PSMD1: variants seen among roughly 807,000 people sequenced by gnomAD.
The protein encoded by PSMD1 is proteasome 26S subunit, non-ATPase 1.
A neutral mutation model predicts 119.0 loss-of-function variants in PSMD1; 18 were observed. That is an observed-to-expected ratio of 0.15 (90% CI 0.10 to 0.22). The LOEUF (loss-of-function observed/expected upper bound fraction) is 0.22, where lower values mean the gene tolerates loss of function less well. Among genes scored for constraint, PSMD1 ranks in the 10% least tolerant of loss-of-function variants. The pLI, the probability that PSMD1 is intolerant of heterozygous loss-of-function variation, is 1.00. For missense variants in PSMD1, 702 were observed against 1,158.5 expected, an observed-to-expected ratio of 0.61 and a Z score of 5.72; for synonymous variants, 374 against 396.6, an observed-to-expected ratio of 0.94 and a Z score of 0.68.
chr2:231,123,212 CA>C (rs1318558687), intron 16 of PSMD1, among the ~76,000 whole-genome samples: 1 of 152,114 alleles, frequency 6.6e-6, no homozygotes, highest in East Asian at 1.9e-4. Context: ...AAATAGTTTA[CA>C]AAAAATATTT....
chr2:231,161,408 G>A lies in PSMD1; in HGVS notation c.2287G>A (p.Val763Ile), dbSNP rs981445313. ...GHTHMPSVVG[V>I]LVFTQFWFWF... The stretch of plus-strand genomic sequence containing the variant: ...TACTCATATGCCTTCTGTGGTTGGC[G>A]TCCTTGTATTTACCCAGTTTTGGTT... The change falls in exon 20 of 25, where the codon GTC (valine) becomes ATC (isoleucine). Residue 763 changes from valine to isoleucine, a missense_variant. By Grantham distance (29) the Val-to-Ile change is conservative (BLOSUM62 3). This residue lies in a region of PSMD1 where 152 missense variants were observed against 239.3 expected (regional missense o/e 0.64). Transcript: ENST00000308696. The A allele has an allele frequency of 1.1e-5, 18 of 1,613,590 alleles. No individual in the cohort carries two copies. The highest frequency in any genetic ancestry group is 1.6e-4 in the Middle Eastern group (1 of 6,084).
At chr2:231,150,071 C>T (rs1464756881) in intron 18 of PSMD1, among the ~76,000 whole-genome samples, 2 of 152,100 alleles carry the variant, frequency 1.3e-5, no homozygotes, top group Non-Finnish European at 2.9e-5. Flanking sequence ...ATAGGCCAGG[C>T]GCAGTGGCTC....
rs527764443 is a variant in PSMD1, at chr2:231,079,629, T to C, written c.1239+15T>C. The C allele has an allele frequency of 1.3e-6, 2 of 1,556,756 alleles. No homozygotes were observed. Among genetic ancestry groups the C allele is most frequent in the South Asian group, 1.2e-5 (1 of 86,188 alleles). ...TAATTCATAAGGTAATATATATTGG[T>C]CAGTGTATACAGGCATCAGAAAAGA... On this transcript the variant is annotated intron_variant, in intron 11 of 24. Transcript: ENST00000308696.
At chr2:231,087,961 T>C (rs113711916) in intron 16 of PSMD1, among the ~76,000 whole-genome samples, 3,285 of 149,732 alleles carry the variant, frequency 0.022, 130 homozygotes, top group African/African-American at 0.076. Flanking sequence ...AGACTCCCTC[T>C]CAAAAAAAAA....
At chr2:231,066,665 T>C (rs965921826) in intron 4 of PSMD1, among the ~76,000 whole-genome samples, 1 of 152,142 alleles carries the variant, frequency 6.6e-6, no homozygotes, top group African/African-American at 2.4e-5. Flanking sequence ...GGGTGAGCAC[T>C]ACCACACCTG....
intron 1 of PSMD1, among the ~76,000 whole-genome samples, chr2:231,060,915 A>G (rs1053824301): frequency 6.6e-6 from 1 of 152,206 alleles, no homozygotes; most frequent in Non-Finnish European, 1.5e-5. Flanking sequence ...CAAAAGAATC[A>G]CAGTACTGGG....
chr2:231,124,008 T>C, intron 16 of PSMD1: 1 of 478,952 alleles, frequency 2.1e-6, no homozygotes, highest in Non-Finnish European at 3.8e-6. Context: ...TTAGGAAAGC[T>C]CAGTGAAAGA....
intron 16 of PSMD1, among the ~76,000 whole-genome samples, chr2:231,114,544 A>G (rs17586405): frequency 0.035 from 5,357 of 152,288 alleles, 111 homozygotes; most frequent in East Asian, 0.11. Flanking sequence ...AGAAAAGTAG[A>G]TTGTTTCCCC....
intron 19 of PSMD1, among the ~76,000 whole-genome samples, chr2:231,154,383 G>A (rs915380890): frequency 1.3e-5 from 2 of 152,198 alleles, no homozygotes; most frequent in Non-Finnish European, 2.9e-5. Context: ...GCAGTGAACC[G>A]AGATTGCTCC....
intron 16 of PSMD1, chr2:231,109,486 T>C (rs1349401611): frequency 5.6e-6 from 7 of 1,248,740 alleles, no homozygotes; most frequent in Non-Finnish European, 8.2e-6. Flanking sequence ...TTGGATTGTA[T>C]CCTTATAACT....
At chr2:231,075,699 C>A in intron 8 of PSMD1, 128 bp downstream of exon 8, 1 of 746,466 alleles carries the variant, frequency 1.3e-6, no homozygotes, top group Non-Finnish European at 2.1e-6. Context: ...CCCACCTTAG[C>A]CTCCCAAGTA....
intron 5 of PSMD1, among the ~76,000 whole-genome samples, chr2:231,067,623 T>C (rs959856369): frequency 2.0e-5 from 3 of 152,166 alleles, no homozygotes; most frequent in African/African-American, 7.2e-5. Context: ...CCCTGCCTCG[T>C]TCCCCCTTCC....
intron 16 of PSMD1, among the ~76,000 whole-genome samples, chr2:231,096,059 C>T (rs1694715645): frequency 6.6e-6 from 1 of 152,200 alleles, no homozygotes; most frequent in African/African-American, 2.4e-5. Context: ...AAGAGGTCTG[C>T]AGAGTGACCT....
chr2:231,168,482 T>TA (rs1696839179), intron 23 of PSMD1, among the ~76,000 whole-genome samples: 1 of 152,372 alleles, frequency 6.6e-6, no homozygotes, highest in African/African-American at 2.4e-5. Context: ...AGGAAAGACT[T>TA]ACTGATATAT....
intron 16 of PSMD1, among the ~76,000 whole-genome samples, chr2:231,099,801 CTT>C (rs1286756391): frequency 5.3e-5 from 8 of 152,110 alleles, no homozygotes; most frequent in Non-Finnish European, 1.0e-4. Flanking sequence ...TGGCTCGCCT[CTT>C]TTTAACCTCT....
At chr2:231,104,328 G>A (rs936404836) in intron 16 of PSMD1, among the ~76,000 whole-genome samples, 6 of 151,974 alleles carry the variant, frequency 3.9e-5, no homozygotes, top group African/African-American at 1.2e-4. Context: ...GATGTCTCCC[G>A]TGAGCTGCTT....
At chr2:231,077,247 A>C (rs1694190654) in intron 9 of PSMD1, 85 bp downstream of exon 9, 1 of 1,003,996 alleles carries the variant, frequency 1.0e-6, no homozygotes, top group African/African-American at 1.7e-5. Flanking sequence ...TTCTTGTTGG[A>C]TACTTTCTTT....
chr2:231,083,097 G>A, intron 13 of PSMD1, 103 bp downstream of exon 13: 1 of 878,604 alleles, frequency 1.1e-6, no homozygotes, highest in East Asian at 2.7e-5. Flanking sequence ...AATTCCGATG[G>A]ATTTCTCTAG....
chr2:231,165,034 TTATATATA>T (rs66656378), intron 21 of PSMD1, 158 bp from the exon 22 acceptor site: 152 of 21,910 alleles, frequency 6.9e-3, no homozygotes, highest in East Asian at 0.013. Flanking sequence ...TTATATATAT[TTATATATA>T]TATATATATA....
Sources: allele counts gnomAD v4.1 joint callset (sites outside exome capture counted in the v4.1 genomes callset), GRCh38; gene constraint gnomAD v4.1.1; regional missense constraint gnomAD v4.1.1; transcripts MANE v1.5; gene names NCBI Gene and HGNC (gene_info 2026-07-23, HGNC 2026-07-21).